Variants in CDH20 observed in about 807,000 individuals in gnomAD.
CDH20 encodes cadherin-20.
CDH20 carries 29 observed loss-of-function variants against 74.2 expected under a neutral mutation model. That is an observed-to-expected ratio of 0.39 (90% CI 0.29 to 0.53). The LOEUF is 0.53. CDH20 is among the 20% of genes least tolerant of loss of function. CDH20 has a pLI of 0.69. For synonymous variants in CDH20, 469 were observed against 405.4 expected (o/e 1.16, Z -1.88); for missense variants, 988 against 1,048.3 (o/e 0.94, Z 0.79).
intron 5 of CDH20, among the ~76,000 whole-genome samples, chr18:61,503,973 T>C (rs1911474155): frequency 6.6e-6 from 1 of 152,100 alleles, no homozygotes; most frequent in Non-Finnish European, 1.5e-5. Context: ...CAAAGCTGTA[T>C]ACAGACAAAA....
At chr18:61,492,161 T>C (rs1156816438) in intron 2 of CDH20, among the ~76,000 whole-genome samples, 1 of 152,142 alleles carries the variant, frequency 6.6e-6, no homozygotes, top group Non-Finnish European at 1.5e-5. Context: ...TTGTTTTTTT[T>C]CTCCTAAACG....
chr18:61,388,351 C>T (rs75666891), intron 1 of CDH20, among the ~76,000 whole-genome samples: 6,124 of 152,272 alleles, frequency 0.04, 163 homozygotes, highest in South Asian at 0.069. Context: ...CCCCAATTGT[C>T]AACCCCTTCC....
intron 1 of CDH20, among the ~76,000 whole-genome samples, chr18:61,470,431 G>A (rs907677478): frequency 2.0e-5 from 3 of 152,224 alleles, no homozygotes; most frequent in African/African-American, 2.4e-5. Context: ...TTATTGCAAA[G>A]TTCCTACTGT....
chr18:61,520,310 C>T (rs544560305), intron 6 of CDH20, among the ~76,000 whole-genome samples: 1,284 of 68,484 alleles, frequency 0.019, 65 homozygotes, highest in African/African-American at 0.073. Context: ...AGCGAGACTC[C>T]GTCTCAAAAA....
intron 1 of CDH20, among the ~76,000 whole-genome samples, chr18:61,376,317 T>C (rs1911229965): frequency 6.6e-6 from 1 of 152,152 alleles, no homozygotes; most frequent in South Asian, 2.1e-4. Flanking sequence ...TGTACATTTT[T>C]AGGAATTTTG....
chr18:61,537,826 G>A (rs1005092601), intron 8 of CDH20, among the ~76,000 whole-genome samples: 3 of 152,196 alleles, frequency 2.0e-5, no homozygotes, highest in Admixed American at 6.5e-5. Context: ...AGGGGGGAAA[G>A]AGTAGAGCAT....
chr18:61,554,061 C>A, intron 11 of CDH20, 129 bp from the exon 12 acceptor site: 1 of 1,110,470 alleles, frequency 9.0e-7, no homozygotes, highest in Non-Finnish European at 1.3e-6. Flanking sequence ...TTCAGATATC[C>A]AAAAGCTATC....
intron 1 of CDH20, among the ~76,000 whole-genome samples, chr18:61,403,280 G>A (rs536663934): frequency 6.0e-4 from 91 of 152,274 alleles, no homozygotes; most frequent in Non-Finnish European, 1.1e-3. Context: ...ACTGTCTCTC[G>A]ATAGAGAATT....
intron 7 of CDH20, among the ~76,000 whole-genome samples, chr18:61,529,493 T>G (rs1163903203): frequency 2.0e-5 from 3 of 152,212 alleles, no homozygotes; most frequent in Admixed American, 6.5e-5. Flanking sequence ...ATATTTGATT[T>G]TTTCAAAGGC....
At chr18:61,383,513 G>A (rs752179020) in intron 1 of CDH20, among the ~76,000 whole-genome samples, 29 of 152,068 alleles carry the variant, frequency 1.9e-4, no homozygotes, top group South Asian at 6.2e-4. Context: ...CCCGGGAGGC[G>A]GAGGTTGCAG....
intron 6 of CDH20, among the ~76,000 whole-genome samples, chr18:61,526,301 G>A (rs1379530398): frequency 3.3e-5 from 5 of 151,162 alleles, no homozygotes; most frequent in Admixed American, 6.6e-5. Context: ...GCTAATTTTT[G>A]TATTTTTAGT....
intron 1 of CDH20, among the ~76,000 whole-genome samples, chr18:61,462,646 G>A (rs1205309296): frequency 7.1e-6 from 1 of 140,562 alleles, no homozygotes; most frequent in African/African-American, 2.7e-5. Flanking sequence ...TCACCAAAAG[G>A]AAACAGAAAT....
At chr18:61,430,486 T>C (rs1219298469) in intron 1 of CDH20, among the ~76,000 whole-genome samples, 1 of 152,208 alleles carries the variant, frequency 6.6e-6, no homozygotes, top group Non-Finnish European at 1.5e-5. Context: ...TTATTCTTTT[T>C]CCATACTGTA....
intron 1 of CDH20, among the ~76,000 whole-genome samples, chr18:61,388,330 T>C (rs1911668705): frequency 6.6e-6 from 1 of 152,222 alleles, no homozygotes; most frequent in Non-Finnish European, 1.5e-5. Flanking sequence ...AGCCCTTATC[T>C]GATGTGGCAA....
intron 10 of CDH20, among the ~76,000 whole-genome samples, chr18:61,545,421 T>G (rs1913213611): frequency 6.6e-6 from 1 of 152,044 alleles, no homozygotes; most frequent in Non-Finnish European, 1.5e-5. Context: ...CAGTGTCTTT[T>G]AAAGTTTTGT....
chr18:61,420,612 G>A (rs1429998159), intron 1 of CDH20, among the ~76,000 whole-genome samples: 1 of 152,108 alleles, frequency 6.6e-6, no homozygotes, highest in African/African-American at 2.4e-5. Flanking sequence ...GGTTTCCAGG[G>A]GAGAGGTGCT....
At chr18:61,500,165 A>G (rs1911324895) in intron 3 of CDH20, among the ~76,000 whole-genome samples, 1 of 147,720 alleles carries the variant, frequency 6.8e-6, no homozygotes, top group African/African-American at 2.5e-5. Flanking sequence ...GAAGAGCCCA[A>G]AGGCTGTGTC....
chr18:61,445,378 A>G (rs1909164906), intron 1 of CDH20, among the ~76,000 whole-genome samples: 1 of 152,198 alleles, frequency 6.6e-6, no homozygotes, highest in Admixed American at 6.5e-5. Context: ...ATGGAACCAG[A>G]AAGAAAACAC....
At chr18:61,524,892 G>A (rs1203825983) in intron 6 of CDH20, among the ~76,000 whole-genome samples, 1 of 151,984 alleles carries the variant, frequency 6.6e-6, no homozygotes, top group Admixed American at 6.6e-5. Flanking sequence ...CTGCACTCCA[G>A]CCTGGGTAAC....
Sources: gnomAD v4.1 joint callset for allele counts (sites outside exome capture counted in the v4.1 genomes callset) on GRCh38, gnomAD v4.1.1 for gene constraint, MANE v1.5 for transcripts, NCBI Gene and HGNC (gene_info 2026-07-23, HGNC 2026-07-21) for gene names.